Variants in TNR observed in about 807,000 individuals in gnomAD.
TNR encodes tenascin-R.
A neutral mutation model predicts 150.4 loss-of-function variants in TNR; 45 were observed. That is an observed-to-expected ratio of 0.30 (90% CI 0.24 to 0.38). The LOEUF (loss-of-function observed/expected upper bound fraction) is 0.38, where lower values mean the gene tolerates loss of function less well. Among genes scored for constraint, TNR ranks in the 10% least tolerant of loss-of-function variants. TNR has a pLI of 1.00. For missense variants in TNR, 1,544 were observed against 1,759.1 expected (o/e 0.88, Z 2.19); for synonymous variants, 687 against 678.4 (o/e 1.01, Z -0.20).
At chr1:175,490,332 A>C (rs1658191284) in intron 2 of TNR, among the ~76,000 whole-genome samples, 1 of 152,220 alleles carries the variant, frequency 6.6e-6, no homozygotes, top group Non-Finnish European at 1.5e-5. Context: ...CCATGATGAA[A>C]ATGCGAAAAG....
intron 1 of TNR, among the ~76,000 whole-genome samples, chr1:175,537,888 G>T (rs1660356482): frequency 6.6e-6 from 1 of 152,174 alleles, no homozygotes; most frequent in African/African-American, 2.4e-5. Context: ...AACTGGTGGT[G>T]GGGGGCGGTT....
intron 2 of TNR, among the ~76,000 whole-genome samples, chr1:175,448,370 C>T (rs1656155459): frequency 6.6e-6 from 1 of 152,154 alleles, no homozygotes; most frequent in South Asian, 2.1e-4. Flanking sequence ...TGCCACCACG[C>T]CTGGCTAATT....
chr1:175,670,120 T>C (rs932003684), intron 1 of TNR, among the ~76,000 whole-genome samples: 12 of 152,226 alleles, frequency 7.9e-5, no homozygotes, highest in African/African-American at 2.7e-4. Context: ...TTCCGGAGTA[T>C]TGGAAAATGC....
chr1:175,503,916 T>G (rs1349515343), intron 2 of TNR, among the ~76,000 whole-genome samples: 1 of 152,172 alleles, frequency 6.6e-6, no homozygotes, highest in East Asian at 1.9e-4. Context: ...TGTGCCCGCA[T>G]GGAATGCTCT....
intron 1 of TNR, among the ~76,000 whole-genome samples, chr1:175,596,146 T>C (rs1434639928): frequency 6.6e-6 from 1 of 152,206 alleles, no homozygotes; most frequent in Non-Finnish European, 1.5e-5. Context: ...GGCTACACAA[T>C]GTTTTTTTAA....
At chr1:175,331,178 CT>C (rs1557868674) in intron 20 of TNR, among the ~76,000 whole-genome samples, 1 of 51,154 alleles carries the variant, frequency 2.0e-5, no homozygotes, top group African/African-American at 5.7e-5. Context: ...TCCTTCCTTC[CT>C]TCCTTCCTTC....
At chr1:175,720,714 A>G (rs1419982383) in intron 1 of TNR, among the ~76,000 whole-genome samples, 1 of 152,244 alleles carries the variant, frequency 6.6e-6, no homozygotes, top group Non-Finnish European at 1.5e-5. Context: ...ACAGAGTTTG[A>G]GCATGTCTGC....
At chr1:175,362,977 G>C (rs1651673521) in intron 13 of TNR, among the ~76,000 whole-genome samples, 168 bp from the exon 14 acceptor site, 2 of 152,176 alleles carry the variant, frequency 1.3e-5, no homozygotes, top group Admixed American at 6.5e-5. Flanking sequence ...AAGAGGCTTT[G>C]CACACTGGTC....
At chr1:175,575,838 G>A (rs1662087289) in intron 1 of TNR, among the ~76,000 whole-genome samples, 2 of 152,156 alleles carry the variant, frequency 1.3e-5, no homozygotes, top group Non-Finnish European at 2.9e-5. Flanking sequence ...GCTAAGTGGT[G>A]GGGACTGCAC....
intron 1 of TNR, among the ~76,000 whole-genome samples, chr1:175,535,380 A>T (rs1053548895): frequency 6.6e-6 from 1 of 152,184 alleles, no homozygotes; most frequent in Non-Finnish European, 1.5e-5. Context: ...CTCTCTCTGG[A>T]TGGTGTGTTT....
At chr1:175,702,339 C>T (rs1159767766) in intron 1 of TNR, among the ~76,000 whole-genome samples, 11 of 152,146 alleles carry the variant, frequency 7.2e-5, no homozygotes, top group Non-Finnish European at 1.5e-5. Context: ...ACTGACATGC[C>T]ACCTCTGGGT....
At chr1:175,381,050 GC>G (rs1652652454) in intron 8 of TNR, among the ~76,000 whole-genome samples, 1 of 152,230 alleles carries the variant, frequency 6.6e-6, no homozygotes, top group South Asian at 2.1e-4. Flanking sequence ...TGGCTCTGCA[GC>G]TTGTTTTCCT....
At chr1:175,564,286 C>T (rs1031439036) in intron 1 of TNR, among the ~76,000 whole-genome samples, 3 of 152,116 alleles carry the variant, frequency 2.0e-5, no homozygotes, top group African/African-American at 7.2e-5. Flanking sequence ...CCAAGCAGGA[C>T]GGGCGGCTGC....
At chr1:175,638,902 C>A (rs1664566415) in intron 1 of TNR, among the ~76,000 whole-genome samples, 3 of 152,038 alleles carry the variant, frequency 2.0e-5, no homozygotes, top group South Asian at 4.1e-4. Flanking sequence ...AAATACAGAA[C>A]TTTATTAAAT....
At chr1:175,557,068 A>T (rs1178404520) in intron 1 of TNR, among the ~76,000 whole-genome samples, 2 of 152,190 alleles carry the variant, frequency 1.3e-5, no homozygotes. Context: ...CTGCCCAATA[A>T]TCAGGAATTG....
chr1:175,362,676 A>G lies in TNR; in HGVS notation c.2841T>C (p.Thr947=). 1 of 1,613,950 alleles carries G rather than the reference A, an allele frequency of 6.2e-7. No homozygotes were observed. The highest frequency in any genetic ancestry group is 8.5e-7 in the Non-Finnish European group (1 of 1,179,868). ...RGREESERIC[T]LVHTAMDNPV... The stretch of plus-strand genomic sequence containing the variant: ...AGACATTCCCACCTGTGTGCACAAG[A>G]GTACAGATGCGCTCGCTTTCCTCCC... Residue 947 remains threonine (T), a synonymous_variant, in exon 14 of 23, where the codon ACT becomes ACC. Coordinates refer to ENST00000367674, the MANE Select transcript of TNR (RefSeq NM_003285.3).
At chr1:175,693,369 C>A (rs1044256672) in intron 1 of TNR, among the ~76,000 whole-genome samples, 1 of 152,200 alleles carries the variant, frequency 6.6e-6, no homozygotes, top group Non-Finnish European at 1.5e-5. Flanking sequence ...AATTAACCAT[C>A]CTAGTTTAGG....
intron 1 of TNR, among the ~76,000 whole-genome samples, chr1:175,579,165 TTTCCTTCCTTCCTTCC>T (rs60083467): frequency 1.3e-4 from 17 of 134,474 alleles, no homozygotes; most frequent in South Asian, 8.2e-4. Context: ...TCGTTCCTTC[TTTCCTTCCTTCCTTCC>T]TTCCTTCCTT....
intron 1 of TNR, among the ~76,000 whole-genome samples, chr1:175,688,072 G>T (rs948173543): frequency 6.6e-6 from 1 of 152,258 alleles, no homozygotes; most frequent in Non-Finnish European, 1.5e-5. Context: ...AACACGATGG[G>T]AGAACAAGCG....
Sources: allele counts gnomAD v4.1 joint callset (sites outside exome capture counted in the v4.1 genomes callset), GRCh38; gene constraint gnomAD v4.1.1; transcripts MANE v1.5; gene names NCBI Gene and HGNC (gene_info 2026-07-23, HGNC 2026-07-21).